The following SCAPER variants were observed in gnomAD, a reference collection of about 807,000 sequenced individuals.
SCAPER encodes S-phase cyclin A associated protein in the ER, also known as S phase cyclin A-associated protein in the endoplasmic reticulum.
SCAPER carries 98 observed loss-of-function variants against 182.2 expected under a neutral mutation model. The observed-to-expected ratio is 0.54, with a 90% confidence interval of 0.46 to 0.64. SCAPER has a LOEUF of 0.64. SCAPER is among the 30% of genes least tolerant of loss of function. The pLI, the probability that SCAPER is intolerant of heterozygous loss-of-function variation, is 0.00. For synonymous variants in SCAPER, 605 were observed against 564.6 expected, an observed-to-expected ratio of 1.07 and a Z score of -1.01; for missense variants, 1,432 against 1,690.0, an observed-to-expected ratio of 0.85 and a Z score of 2.68.
rs1043293150 is a variant in SCAPER at position 76,546,186 on chromosome 15, C to A, written c.2838+27972G>T. Among the ~76,000 whole-genome samples, 5 of 151,878 alleles carry A rather than the reference C, an allele frequency of 3.3e-5. No individual in the cohort carries two copies. In the South Asian group the frequency reaches 8.3e-4, roughly 25 times the overall value. ...GAAAAATCTACACACCAAGATACAC[C>A]CCAGGGTAGTGAAAGTATGAAGTAC... is the stretch of plus-strand genomic sequence containing the variant. On this transcript the variant is annotated intron_variant, in intron 23 of 31. Coordinates refer to ENST00000563290, the MANE Select transcript of SCAPER (RefSeq NM_020843.4).
At chr15:76,567,269 C>A (rs1038574609) in intron 23 of SCAPER, 1 of 445,618 alleles carries the variant, frequency 2.2e-6, no homozygotes, top group African/African-American at 2.0e-5. Flanking sequence ...TATGAACATA[C>A]CATAATTTGT....
At chr15:76,778,528 T>C (rs1233312157) in intron 8 of SCAPER, among the ~76,000 whole-genome samples, 1 of 151,972 alleles carries the variant, frequency 6.6e-6, no homozygotes, top group Non-Finnish European at 1.5e-5. Context: ...AATAATAAAA[T>C]GAACAGATTT....
chr15:76,620,436 T>A (rs954530059), intron 22 of SCAPER, among the ~76,000 whole-genome samples: 8 of 152,200 alleles, frequency 5.3e-5, no homozygotes, highest in African/African-American at 1.9e-4. Flanking sequence ...TATACAGTAT[T>A]TGTGATATAC....
chr15:76,901,925 T>C (rs1223551280), intron 1 of SCAPER, among the ~76,000 whole-genome samples: 1 of 152,110 alleles, frequency 6.6e-6, no homozygotes. Context: ...TTCACCGTGT[T>C]AGCCAGGATG....
chr15:76,452,521 G>T (rs2048440048), intron 25 of SCAPER, among the ~76,000 whole-genome samples: 1 of 152,174 alleles, frequency 6.6e-6, no homozygotes, highest in African/African-American at 2.4e-5. Context: ...CCTCTGCAAG[G>T]ATTTTAAATG....
At chr15:76,379,343 C>T (rs2042782343) in intron 28 of SCAPER, among the ~76,000 whole-genome samples, 1 of 152,028 alleles carries the variant, frequency 6.6e-6, no homozygotes, top group Non-Finnish European at 1.5e-5. Flanking sequence ...TATAGAGTTG[C>T]ATGAGAAGAA....
chr15:76,427,829 A>G (rs1291262625), intron 26 of SCAPER, among the ~76,000 whole-genome samples: 1 of 151,870 alleles, frequency 6.6e-6, no homozygotes, highest in Non-Finnish European at 1.5e-5. Flanking sequence ...GCTATTCAAG[A>G]GCCTGAGGCA....
At chr15:76,476,884 A>C (rs2050692339) in intron 24 of SCAPER, among the ~76,000 whole-genome samples, 1 of 148,404 alleles carries the variant, frequency 6.7e-6, no homozygotes, top group Non-Finnish European at 1.5e-5. Context: ...TACTTCAATT[A>C]ATCTCTTACT....
At chr15:76,482,511 G>T (rs982959604) in intron 24 of SCAPER, among the ~76,000 whole-genome samples, 1 of 152,038 alleles carries the variant, frequency 6.6e-6, no homozygotes, top group Non-Finnish European at 1.5e-5. Context: ...TATACAGTAA[G>T]ATAAGAAAAG....
chr15:76,769,703 T>C (rs933223500), intron 10 of SCAPER, among the ~76,000 whole-genome samples: 3 of 152,148 alleles, frequency 2.0e-5, no homozygotes, highest in African/African-American at 7.2e-5. Context: ...AGGAATGCTT[T>C]TACACTGTTG....
At chr15:76,522,341 A>G (rs1336760583) in intron 23 of SCAPER, among the ~76,000 whole-genome samples, 3 of 152,134 alleles carry the variant, frequency 2.0e-5, no homozygotes, top group African/African-American at 7.2e-5. Context: ...CTATACAATG[A>G]CTGATTCACC....
chr15:76,413,400 G>A (rs2045430467), intron 26 of SCAPER, among the ~76,000 whole-genome samples: 1 of 152,122 alleles, frequency 6.6e-6, no homozygotes, highest in Non-Finnish European at 1.5e-5. Flanking sequence ...ATGAAGTAGT[G>A]TTACATTTGT....
chr15:76,566,510 C>G (rs1287997542), intron 23 of SCAPER, among the ~76,000 whole-genome samples: 2 of 152,078 alleles, frequency 1.3e-5, no homozygotes, highest in Non-Finnish European at 2.9e-5. Flanking sequence ...ACAGCATACA[C>G]ATGTCTCATG....
chr15:76,794,894 G>A (rs770395654), intron 8 of SCAPER, among the ~76,000 whole-genome samples: 10 of 152,072 alleles, frequency 6.6e-5, no homozygotes, highest in Admixed American at 1.3e-4. Flanking sequence ...ATATTATTTT[G>A]CAGTACAAAA....
rs539491352 is a variant in SCAPER, at chr15:76,709,423, C to T, written c.2166-3439G>A. ...TGCTGGGATTACAGACATGAGCCAC[C>T]GCACTCTGCCAAGAACTTTATAACA... On this transcript the variant is annotated intron_variant, in intron 17 of 31. Transcript: ENST00000563290. 5.3e-5 allele frequency among the ~76,000 whole-genome samples: 8 copies of T among 152,218 alleles called. No homozygotes were observed. In the South Asian group the frequency reaches 1.2e-3, roughly 24 times the overall value.
At chr15:76,378,425 T>C (rs2042715100) in intron 28 of SCAPER, among the ~76,000 whole-genome samples, 1 of 152,238 alleles carries the variant, frequency 6.6e-6, no homozygotes, top group Non-Finnish European at 1.5e-5. Flanking sequence ...TTTTGACATG[T>C]AAGTTGTTTT....
Position 76,381,578 on chromosome 15 carries a change from T to C in SCAPER, c.3505A>G (p.Thr1169Ala). 1 of 1,606,766 alleles carries C rather than the reference T, an allele frequency of 6.2e-7. No individual in the cohort carries two copies. Among genetic ancestry groups the C allele is most frequent in the Non-Finnish European group, 8.5e-7 (1 of 1,176,410 alleles). Residue 1169 changes from threonine to alanine, a missense_variant, in exon 28 of 32, where the codon ACA (threonine) becomes GCA (alanine). Physicochemically the swap from Thr to Ala is moderately conservative, Grantham distance 58. Transcript: ENST00000563290. Reference sequence around the variant, plus strand: ...GCCTGAAGAGCAGCTGTCAGCCCTGTGGGATCCTGGCGATTATTGTCAAAT... The same window carrying C: ...GCCTGAAGAGCAGCTGTCAGCCCTGCGGGATCCTGGCGATTATTGTCAAAT... ...SIFDNNRQDP[T>A]GLTAALQATD...
At chr15:76,692,158 C>A (rs896725440) in intron 20 of SCAPER, among the ~76,000 whole-genome samples, 6 of 152,104 alleles carry the variant, frequency 3.9e-5, no homozygotes, top group African/African-American at 1.4e-4. Context: ...ATACAGAATA[C>A]TGCAATGGTC....
chr15:76,532,799 T>C (rs1024341307), intron 23 of SCAPER, among the ~76,000 whole-genome samples: 1 of 152,122 alleles, frequency 6.6e-6, no homozygotes, highest in African/African-American at 2.4e-5. Flanking sequence ...GCAGGCACAA[T>C]GCAGAAGATG....
Sources: allele counts gnomAD v4.1 joint callset (sites outside exome capture counted in the v4.1 genomes callset), GRCh38; gene constraint gnomAD v4.1.1; transcripts MANE v1.5; gene names NCBI Gene and HGNC (gene_info 2026-07-23, HGNC 2026-07-21).